AKAP8L: variants seen among roughly 807,000 people sequenced by gnomAD.
AKAP8L encodes A-kinase anchoring protein 8 like.
AKAP8L carries 34 observed loss-of-function variants against 77.5 expected under a neutral mutation model. That is an observed-to-expected ratio of 0.44 (90% confidence interval 0.33 to 0.58). AKAP8L has a LOEUF of 0.58. Among genes scored for constraint, AKAP8L ranks in the 20% least tolerant of loss-of-function variants. AKAP8L has a pLI of 0.02. For synonymous variants in AKAP8L, 342 were observed against 340.7 expected, an observed-to-expected ratio of 1.00 and a Z score of -0.04; for missense variants, 806 against 887.6, an observed-to-expected ratio of 0.91 and a Z score of 1.17.
Position 15,403,744 on chromosome 19 carries a change from A to T in AKAP8L, c.122-29T>A. ...CAGTGAGGGAGACAGAGACAGACAG[A>T]TGGTGGGGGCAGGCAGAGGGGAGGC... On this transcript the variant is annotated intron_variant, in intron 3 of 13. Transcript: ENST00000397410. The surrounding 1 kb of genome is among the most constrained non-coding windows in gnomAD (Gnocchi z 4.3). 6.5e-7 allele frequency: 1 copy of T among 1,528,052 alleles called. No individual in the cohort carries two copies. The highest frequency in any genetic ancestry group is 8.9e-7 in the Non-Finnish European group (1 of 1,122,864). 94.7% of individuals were successfully genotyped at this position (1,528,052 alleles called of 1,614,324 possible). A position where few individuals can be genotyped will look rare whatever the true frequency, so the allele number is the denominator to read the frequency against.
intron 2 of AKAP8L, among the ~76,000 whole-genome samples, chr19:15,408,377 C>T (rs180735772): frequency 1.3e-5 from 2 of 151,650 alleles, no homozygotes; most frequent in East Asian, 3.9e-4. Flanking sequence ...CCAGCCTGGC[C>T]AATGTGGTGA....
chr19:15,413,290 T>A (rs1297881840), intron 1 of AKAP8L, among the ~76,000 whole-genome samples: 3 of 152,374 alleles, frequency 2.0e-5, no homozygotes, highest in Non-Finnish European at 2.9e-5. Flanking sequence ...ACATTTATAA[T>A]CTTTCTTTGT....
In AKAP8L at chr19:15,401,700, C is replaced by CA; in HGVS notation, c.363-98dup. 1 of 981,876 alleles carries CA rather than the reference C, an allele frequency of 1.0e-6. No individual in the cohort carries two copies. Among genetic ancestry groups the CA allele is most frequent in the Non-Finnish European group, 1.5e-6 (1 of 680,656 alleles). The allele number at this position is 981,876 out of a possible 1,614,324, so 60.8% of individuals were successfully genotyped here. ...CTCCCCAATCTCCCAGTCCAGCACC[C>CA]ACCCTGCCCTGGTTGGGAGGCTCAA... On this transcript the variant is annotated intron_variant, in intron 4 of 13. Coordinates refer to ENST00000397410, the MANE Select transcript of AKAP8L (RefSeq NM_014371.4). The surrounding 1 kb of genome is among the most constrained non-coding windows in gnomAD (Gnocchi z 6.2).
Position 15,403,982 on chromosome 19 carries a change from G to A in AKAP8L, c.121+28C>T, listed in dbSNP as rs1967951128. On this transcript the variant is annotated intron_variant, in intron 3 of 13. Transcript: ENST00000397410. This position sits in a 1 kb window ranked among gnomAD's most constrained non-coding sequence, Gnocchi z 4.3. ...ACAGCCAGGACAACCCCAAGGGACA[G>A]GACAGCAATCACAGGAATGACACTT... is the stretch of plus-strand genomic sequence containing the variant. The A allele has an allele frequency of 6.2e-7, 1 of 1,613,376 alleles. No individual in the cohort carries two copies. Among genetic ancestry groups the A allele is most frequent in the African/African-American group, 1.3e-5 (1 of 75,022 alleles).
chr19:15,381,664 T>C (rs563014765), intron 12 of AKAP8L, among the ~76,000 whole-genome samples: 1 of 151,846 alleles, frequency 6.6e-6, no homozygotes, highest in East Asian at 1.9e-4. Flanking sequence ...TGGAGGAAAA[T>C]ATTAACAGAC....
chr19:15,387,759 G>A (rs1016839229), intron 12 of AKAP8L, among the ~76,000 whole-genome samples: 1 of 152,260 alleles, frequency 6.6e-6, no homozygotes, highest in Admixed American at 6.5e-5. Context: ...AAGAGTTCGA[G>A]ACCAGCCTGG....
chr19:15,386,188 G>A (rs1242824356), intron 12 of AKAP8L, among the ~76,000 whole-genome samples: 1 of 152,108 alleles, frequency 6.6e-6, no homozygotes, highest in African/African-American at 2.4e-5. Flanking sequence ...GGGATTACAG[G>A]CATGAGCCAC....
chr19:15,385,009 G>A (rs1303537727), intron 12 of AKAP8L, among the ~76,000 whole-genome samples: 19 of 143,112 alleles, frequency 1.3e-4, no homozygotes, highest in African/African-American at 4.2e-4. Flanking sequence ...ACGGAGTCTC[G>A]CTCTGTTGCC....
chr19:15,401,537 G>A lies in AKAP8L; in HGVS notation c.429C>T (p.Gly143=), dbSNP rs1416284252. ...CAGGGTCAAGCTCGCTGTAGTCATA[G>A]CCTGACCGGTACAGGTCGCGCTCAC... ...VLSERDLYRS[G]YDYSELDPEM... The change falls in exon 5 of 14, where the codon GGC becomes GGT. Residue 143 remains glycine, a synonymous_variant. Coordinates refer to ENST00000397410, the MANE Select transcript of AKAP8L (RefSeq NM_014371.4). The surrounding 1 kb of genome is among the most constrained non-coding windows in gnomAD (Gnocchi z 6.2). 3 of 1,613,578 alleles carry A rather than the reference G, an allele frequency of 1.9e-6. No individual in the cohort carries two copies. The highest frequency in any genetic ancestry group is 1.7e-6 in the Non-Finnish European group (2 of 1,179,814).
chr19:15,400,916 G>A, intron 6 of AKAP8L, 31 bp downstream of exon 6: 1 of 1,613,872 alleles, frequency 6.2e-7, no homozygotes, highest in Non-Finnish European at 8.5e-7. Flanking sequence ...GAGGCAGGGG[G>A]CAGCCGCCCA....
intron 12 of AKAP8L, among the ~76,000 whole-genome samples, chr19:15,391,623 C>T (rs975854214): frequency 2.0e-5 from 3 of 150,570 alleles, no homozygotes; most frequent in Admixed American, 6.6e-5. Flanking sequence ...ACTGCAACCT[C>T]CGCCTCCCGG....
rs1968273112 is a variant in AKAP8L, at chr19:15,418,900, G to A, written c.13+11C>T. Reference sequence around the variant, plus strand: ...CCCACGCAGAGCCCGACCCCACCCTGCCAGGCCCACCTGTGTAGCTCATGG... The same window carrying A: ...CCCACGCAGAGCCCGACCCCACCCTACCAGGCCCACCTGTGTAGCTCATGG... On this transcript the variant is annotated intron_variant, in intron 1 of 13. Transcript: ENST00000397410. The A allele has an allele frequency of 1.9e-6, 3 of 1,601,576 alleles. No individual in the cohort carries two copies. Among genetic ancestry groups the A allele is most frequent in the Non-Finnish European group, 2.5e-6 (3 of 1,178,602 alleles).
chr19:15,415,843 G>A (rs1005772665), intron 1 of AKAP8L, among the ~76,000 whole-genome samples: 4 of 150,798 alleles, frequency 2.7e-5, no homozygotes, highest in East Asian at 2.0e-4. Flanking sequence ...CCGAGATGGC[G>A]CCACTGCACT....
intron 8 of AKAP8L, 34 bp downstream of exon 8, chr19:15,400,261 C>G: frequency 6.2e-7 from 1 of 1,611,588 alleles, no homozygotes; most frequent in Non-Finnish European, 8.5e-7. Context: ...CCTGGAAGAG[C>G]CGCCCTAGCA....
At chr19:15,384,970 A>C (rs1599587824) in intron 12 of AKAP8L, among the ~76,000 whole-genome samples, 1 of 143,790 alleles carries the variant, frequency 7.0e-6, no homozygotes, top group African/African-American at 2.6e-5. Context: ...TCCCAGGTTC[A>C]TGCCATTCTC....
At chr19:15,411,878 AC>A (rs1055976688) in intron 1 of AKAP8L, among the ~76,000 whole-genome samples, 82 of 152,112 alleles carry the variant, frequency 5.4e-4, no homozygotes, top group African/African-American at 1.5e-3. Flanking sequence ...ACATGGTGAA[AC>A]CCCATCTCTA....
At chr19:15,411,881 C>T (rs1968111938) in intron 1 of AKAP8L, among the ~76,000 whole-genome samples, 1 of 152,004 alleles carries the variant, frequency 6.6e-6, no homozygotes, top group Non-Finnish European at 1.5e-5. Flanking sequence ...TGGTGAAACC[C>T]CATCTCTACT....
chr19:15,404,023 A>T lies in AKAP8L; in HGVS notation c.108T>A (p.Ser36=). 1 of 1,613,970 alleles carries T rather than the reference A, an allele frequency of 6.2e-7. No homozygotes were observed. The highest frequency in any genetic ancestry group is 8.5e-7 in the Non-Finnish European group (1 of 1,179,852). The change falls in exon 3 of 14, where the codon TCT becomes TCA. Residue 36 remains serine (S), a synonymous_variant. Transcript: ENST00000397410. ...TCDYGYGTWN[S]GTNRGYEGYG... is the part of the protein sequence containing the mutation. ...AATGACACTTGCCTCTATTTGTCCCAGAGTTCCAAGTTCCATATCCTACAA... is the reference window on the plus strand; with the variant it reads ...AATGACACTTGCCTCTATTTGTCCCTGAGTTCCAAGTTCCATATCCTACAA...
At chr19:15,400,766 C>T in intron 7 of AKAP8L, 28 bp downstream of exon 7, 1 of 1,613,560 alleles carries the variant, frequency 6.2e-7, no homozygotes, top group Non-Finnish European at 8.5e-7. Flanking sequence ...TGCCTGCAGA[C>T]AGAAAATGCC....
Sources: gnomAD v4.1 joint callset for allele counts (sites outside exome capture counted in the v4.1 genomes callset) on GRCh38, gnomAD v4.1.1 for gene constraint, Gnocchi (gnomAD v3.1) non-coding constraint, MANE v1.5 for transcripts, NCBI Gene and HGNC (gene_info 2026-07-23, HGNC 2026-07-21) for gene names.